The following DTNA variants were observed in gnomAD, a reference collection of about 807,000 sequenced individuals.
DTNA encodes dystrobrevin alpha.
Under a neutral mutation model 100.7 loss-of-function variants are expected in DTNA, and 43 were observed. The ratio of observed to expected loss-of-function variants is 0.43; its 90% CI spans 0.33 to 0.55. The LOEUF is 0.55. Among genes scored for constraint, DTNA ranks in the 20% least tolerant of loss-of-function variants. The probability of loss-of-function intolerance (pLI) is 0.04; values close to 1 mark genes in which losing one functional copy is unlikely to be tolerated. For missense variants in DTNA, 798 were observed against 953.9 expected, an observed-to-expected ratio of 0.84 and a Z score of 2.15; for synonymous variants, 349 against 347.9, an observed-to-expected ratio of 1.00 and a Z score of -0.04.
intron 4 of DTNA, among the ~76,000 whole-genome samples, chr18:34,798,457 A>T (rs2149114099): frequency 6.6e-6 from 1 of 152,142 alleles, no homozygotes; most frequent in East Asian, 1.9e-4. Flanking sequence ...AATGTTGGTG[A>T]TCCTATTTTT....
upstream of DTNA, among the ~76,000 whole-genome samples, chr18:34,707,839 T>C (rs945027062): frequency 1.9e-4 from 29 of 152,324 alleles, no homozygotes; most frequent in African/African-American, 7.0e-4. Flanking sequence ...AGCTGCTCCT[T>C]GCCTTTTTGC....
intron 1 of DTNA, among the ~76,000 whole-genome samples, chr18:34,612,597 A>C (rs1278137064): frequency 6.6e-6 from 1 of 152,200 alleles, no homozygotes; most frequent in Non-Finnish European, 1.5e-5. Context: ...AAAAGAAAAA[A>C]ACAGGGAGAG....
At chr18:34,600,106 A>G (rs1351665368) in intron 1 of DTNA, among the ~76,000 whole-genome samples, 1 of 152,192 alleles carries the variant, frequency 6.6e-6, no homozygotes, top group African/African-American at 2.4e-5. Context: ...AAGTTAGAGG[A>G]TAGTCTTGAG....
intron 1 of DTNA, among the ~76,000 whole-genome samples, chr18:34,542,232 GTCTAAA>G (rs2044314759): frequency 6.6e-6 from 1 of 152,022 alleles, no homozygotes; most frequent in African/African-American, 2.4e-5. Flanking sequence ...TTAGTGAATA[GTCTAAA>G]TCTAAAACTC....
At chr18:34,604,255 C>T (rs554782411) in intron 1 of DTNA, among the ~76,000 whole-genome samples, 2 of 152,166 alleles carry the variant, frequency 1.3e-5, no homozygotes, top group South Asian at 4.2e-4. Context: ...AGTTCCTCTC[C>T]CATCATTTCA....
chr18:34,831,972 A>T (rs1244135147), intron 11 of DTNA, among the ~76,000 whole-genome samples: 1 of 152,168 alleles, frequency 6.6e-6, no homozygotes, highest in South Asian at 2.1e-4. Flanking sequence ...TTTCATTTTT[A>T]AAAAATATTT....
intron 1 of DTNA, among the ~76,000 whole-genome samples, chr18:34,571,887 A>G (rs1331460317): frequency 2.6e-5 from 4 of 152,188 alleles, no homozygotes; most frequent in African/African-American, 9.7e-5. Context: ...TCAAGAAACA[A>G]TTAAGTTTCA....
chr18:34,572,872 A>G (rs1408128890), intron 1 of DTNA, among the ~76,000 whole-genome samples: 1 of 152,192 alleles, frequency 6.6e-6, no homozygotes, highest in Non-Finnish European at 1.5e-5. Flanking sequence ...CAGTAGAAAG[A>G]ATGTAAAGCT....
intron 1 of DTNA, among the ~76,000 whole-genome samples, chr18:34,633,141 T>C (rs796388614): frequency 2.2e-4 from 34 of 152,308 alleles, no homozygotes; most frequent in African/African-American, 7.7e-4. Context: ...TTCTGATATC[T>C]GGATTAAGAC....
chr18:34,757,993 A>G (rs1321208564), intron 2 of DTNA, among the ~76,000 whole-genome samples: 1 of 152,252 alleles, frequency 6.6e-6, no homozygotes, highest in Non-Finnish European at 1.5e-5. Flanking sequence ...TAAGTAGGGC[A>G]CATCCACAAT....
At chr18:34,537,275 G>A (rs1407597623) in intron 1 of DTNA, among the ~76,000 whole-genome samples, 1 of 151,944 alleles carries the variant, frequency 6.6e-6, no homozygotes, top group Admixed American at 6.6e-5. Flanking sequence ...AGGCAACAGA[G>A]TCTATTTGTA....
chr18:34,537,548 A>G (rs1465028646), intron 1 of DTNA, among the ~76,000 whole-genome samples: 1 of 152,018 alleles, frequency 6.6e-6, no homozygotes, highest in African/African-American at 2.4e-5. Flanking sequence ...ACAATCCCAT[A>G]TTCTCTACAA....
chr18:34,650,087 A>C (rs1391871029), intron 1 of DTNA, among the ~76,000 whole-genome samples: 3 of 152,134 alleles, frequency 2.0e-5, no homozygotes, highest in Non-Finnish European at 4.4e-5. Context: ...AGTCCTTTGC[A>C]CAGGAGAACT....
At chr18:34,514,144 T>C (rs1307938462) in intron 1 of DTNA, among the ~76,000 whole-genome samples, 2 of 152,154 alleles carry the variant, frequency 1.3e-5, no homozygotes, top group African/African-American at 4.8e-5. Context: ...GAAGGATCAA[T>C]TTCCATCTTT....
intron 1 of DTNA, among the ~76,000 whole-genome samples, chr18:34,585,663 T>C (rs1345193561): frequency 6.6e-6 from 1 of 152,062 alleles, no homozygotes; most frequent in African/African-American, 2.4e-5. Flanking sequence ...ATATATAATA[T>C]CCTACATAGA....
chr18:34,836,647 CAAAAAAAAA>C (rs749690995), intron 11 of DTNA, among the ~76,000 whole-genome samples: 1 of 51,680 alleles, frequency 1.9e-5, no homozygotes, highest in Non-Finnish European at 4.4e-5. Flanking sequence ...GACTCTGTCT[CAAAAAAAAA>C]AAAAAAAAAA....
rs545107331 is a variant in DTNA, at chr18:34,578,654, G to C, written c.-2+85140G>C. Among the ~76,000 whole-genome samples the C allele has an allele frequency of 3.9e-5, 6 of 152,282 alleles. 1 individual carries two copies. In the South Asian group the frequency reaches 1.0e-3, roughly 26 times the overall value. On this transcript the variant is annotated intron_variant, in intron 1 of 19. Transcript: ENST00000283365. ...GAGTTGATTTTTATACGTGGTGAGAGATGAGGATCTAGTTTCACTCTTCTA... is the reference window on the plus strand; with the variant it reads ...GAGTTGATTTTTATACGTGGTGAGACATGAGGATCTAGTTTCACTCTTCTA...
At chr18:34,755,821 T>G (rs2092729952) in intron 1 of DTNA, among the ~76,000 whole-genome samples, 155 bp from the exon 2 acceptor site, 1 of 152,234 alleles carries the variant, frequency 6.6e-6, no homozygotes, top group Non-Finnish European at 1.5e-5. Flanking sequence ...GCAATTTAGG[T>G]TAGTAAAACT....
chr18:34,554,771 T>G (rs1216658325), intron 1 of DTNA, among the ~76,000 whole-genome samples: 4 of 143,688 alleles, frequency 2.8e-5, no homozygotes, highest in Middle Eastern at 3.3e-3. Context: ...GCTGGATTTG[T>G]TTTGCCAGTA....
Sources: allele counts gnomAD v4.1 joint callset (sites outside exome capture counted in the v4.1 genomes callset), GRCh38; gene constraint gnomAD v4.1.1; transcripts MANE v1.5; gene names NCBI Gene and HGNC (gene_info 2026-07-23, HGNC 2026-07-21).